SLF1: variants seen among roughly 807,000 people sequenced by gnomAD.
SLF1 encodes SMC5/6 complex localization factor 1, also known as SMC5-SMC6 complex localization factor protein 1.
In SLF1, 105 loss-of-function variants were observed where a neutral mutation model predicts 123.0. That is an observed-to-expected ratio of 0.85 (90% CI 0.73 to 1.00). The LOEUF (loss-of-function observed/expected upper bound fraction) is 1.00, where lower values mean the gene tolerates loss of function less well. Ranked by LOEUF, SLF1 falls within the 50% of genes least tolerant of loss-of-function variation. The pLI is 0.00. For synonymous variants in SLF1, 434 were observed against 406.6 expected (o/e 1.07, Z -0.81); for missense variants, 1,239 against 1,223.0 (o/e 1.01, Z -0.20).
chr5:94,653,217 T>C, intron 7 of SLF1, 55 bp from the exon 8 acceptor site: 2 of 1,417,060 alleles, frequency 1.4e-6, no homozygotes. Flanking sequence ...TTTATTTGGA[T>C]TTTGTAACAT....
chr5:94,670,221 A>G lies in SLF1; in HGVS notation c.1603A>G (p.Thr535Ala), dbSNP rs927259040. ...ENIGSKVLHL[T>A]LLKFFFNLIE... The stretch of plus-strand genomic sequence containing the variant: ...TATTGGCTCCAAGGTGCTCCACCTG[A>G]CGCTACTCAAATTTTTCTTTAATTT... The change falls in exon 13 of 21, where the codon ACG (threonine) becomes GCG (alanine). Residue 535 changes from threonine to alanine, a missense_variant. Transcript: ENST00000265140. 6.6e-7 allele frequency: 1 copy of G among 1,519,512 alleles called. No homozygotes were observed. Among genetic ancestry groups the G allele is most frequent in the Non-Finnish European group, 8.8e-7 (1 of 1,135,888 alleles). The allele number at this position is 1,519,512 out of a possible 1,614,324, so 94.1% of individuals were successfully genotyped here.
At chr5:94,650,474 T>C (rs922042164) in intron 6 of SLF1, among the ~76,000 whole-genome samples, 1 of 151,842 alleles carries the variant, frequency 6.6e-6, no homozygotes, top group East Asian at 1.9e-4. Context: ...GCCATTCTCC[T>C]GCCTCAGCCT....
At chr5:94,666,872 T>C (rs560727877) in intron 12 of SLF1, among the ~76,000 whole-genome samples, 117 of 151,492 alleles carry the variant, frequency 7.7e-4, no homozygotes, top group African/African-American at 2.5e-3. Flanking sequence ...CTCGAATTGC[T>C]GGCCTCAAGT....
chr5:94,672,391 A>G (rs918297030), intron 14 of SLF1, among the ~76,000 whole-genome samples: 1 of 151,890 alleles, frequency 6.6e-6, no homozygotes, highest in Non-Finnish European at 1.5e-5. Flanking sequence ...AACTTACGTT[A>G]TACCTTTTCT....
rs1037573932 is a variant in SLF1 at position 94,651,752 on chromosome 5, A to G, written c.789A>G (p.Gln263=). The G allele has an allele frequency of 1.8e-5, 28 of 1,532,404 alleles. No individual in the cohort carries two copies. The highest frequency in any genetic ancestry group is 1.0e-4 in the East Asian group (4 of 40,034). The allele number at this position is 1,532,404 out of a possible 1,614,324, so 94.9% of individuals were successfully genotyped here. A position where few individuals can be genotyped will look rare whatever the true frequency, so the allele number is the denominator to read the frequency against. ...EDVNVGSILI[Q]HHKKEKFSGS... ...TTAATGTTGGTTCTATTTTGATTCA[A>G]CATCACAAAAAAGAAAAATTCAGTG... The change falls in exon 7 of 21, where the codon CAA becomes CAG. Residue 263 remains glutamine, a synonymous_variant. Coordinates refer to ENST00000265140, the MANE Select transcript of SLF1 (RefSeq NM_032290.4).
rs372842254 is a variant in SLF1 at position 94,667,805 on chromosome 5, A to G, written c.1532+1781A>G. ...ACTCTGTTGCCCAGACTGGAGTGCA[A>G]TGGCACAATCACGGCTCACTGCAGC... On this transcript the variant is annotated intron_variant, in intron 12 of 20. Coordinates refer to ENST00000265140, the MANE Select transcript of SLF1 (RefSeq NM_032290.4). 4.1e-4 allele frequency among the ~76,000 whole-genome samples: 62 copies of G among 151,932 alleles called. No homozygotes were observed. The East Asian group carries it at 9.2e-3, about 22-fold the overall frequency.
intron 4 of SLF1, among the ~76,000 whole-genome samples, chr5:94,639,945 C>G (rs1453737627): frequency 6.6e-6 from 1 of 151,892 alleles, no homozygotes; most frequent in Non-Finnish European, 1.5e-5. Flanking sequence ...ATTTGTTCTT[C>G]TATCCTTTTT....
At chr5:94,671,493 C>T (rs1750444747) in intron 14 of SLF1, among the ~76,000 whole-genome samples, 1 of 151,532 alleles carries the variant, frequency 6.6e-6, no homozygotes, top group Non-Finnish European at 1.5e-5. Context: ...GTGTATTATC[C>T]ATCTCAAGGA....
chr5:94,674,989 G>A (rs1750879107), intron 14 of SLF1, among the ~76,000 whole-genome samples: 1 of 152,202 alleles, frequency 6.6e-6, no homozygotes, highest in African/African-American at 2.4e-5. Flanking sequence ...GCCTTGACTA[G>A]AGGCCAAGTC....
At chr5:94,653,692 T>C (rs1748025084) in intron 8 of SLF1, among the ~76,000 whole-genome samples, 1 of 152,240 alleles carries the variant, frequency 6.6e-6, no homozygotes, top group Non-Finnish European at 1.5e-5. Context: ...AAAGACTATT[T>C]CTTAAAATGA....
At chr5:94,667,254 A>T (rs1318294768) in intron 12 of SLF1, among the ~76,000 whole-genome samples, 1 of 152,202 alleles carries the variant, frequency 6.6e-6, no homozygotes, top group African/African-American at 2.4e-5. Flanking sequence ...AGTGACTGAG[A>T]TGTAAACAAT....
At chr5:94,658,735 G>A (rs1050720171) in intron 9 of SLF1, among the ~76,000 whole-genome samples, 2 of 152,080 alleles carry the variant, frequency 1.3e-5, no homozygotes, top group Admixed American at 6.5e-5. Flanking sequence ...CTATGCCTTT[G>A]CCCATCACTT....
chr5:94,674,697 T>A (rs1362730768), intron 14 of SLF1, among the ~76,000 whole-genome samples: 3 of 152,174 alleles, frequency 2.0e-5, no homozygotes, highest in Non-Finnish European at 4.4e-5. Context: ...TGTCATAATG[T>A]CAATCAGCAA....
intron 15 of SLF1, among the ~76,000 whole-genome samples, chr5:94,679,456 G>A (rs941858052): frequency 2.0e-5 from 3 of 151,884 alleles, no homozygotes; most frequent in Non-Finnish European, 4.4e-5. Context: ...TTTGCTGGAC[G>A]TGGTCTATGC....
chr5:94,664,325 C>T (rs1749496192), intron 11 of SLF1, among the ~76,000 whole-genome samples: 1 of 152,108 alleles, frequency 6.6e-6, no homozygotes, highest in Non-Finnish European at 1.5e-5. Flanking sequence ...GGCAAGTTCC[C>T]TCTCTGTTGT....
chr5:94,689,654 A>G (rs759741347), intron 18 of SLF1, 48 bp downstream of exon 18: 1 of 1,542,576 alleles, frequency 6.5e-7, no homozygotes, highest in Non-Finnish European at 8.9e-7. Context: ...TTTCATGGTT[A>G]TAGTCAGTAC....
At chr5:94,688,405 C>T in intron 16 of SLF1, 101 bp from the exon 17 acceptor site, 2 of 1,261,564 alleles carry the variant, frequency 1.6e-6, no homozygotes, top group South Asian at 1.5e-5. Flanking sequence ...GTGATGCAAC[C>T]AAGAAAATAT....
chr5:94,662,394 A>T (rs1749224873), intron 10 of SLF1, 43 bp downstream of exon 10: 2 of 1,466,450 alleles, frequency 1.4e-6, no homozygotes, highest in South Asian at 2.7e-5. Flanking sequence ...GCAAAGAAGA[A>T]GTTTTGTGTT....
intron 5 of SLF1, 127 bp from the exon 6 acceptor site, chr5:94,649,327 A>T (rs1009161614): frequency 3.3e-5 from 23 of 689,568 alleles, no homozygotes; most frequent in South Asian, 2.2e-4. Context: ...CCTTTGATTT[A>T]AGAGGGTGCA....
Sources: gnomAD v4.1 joint callset for allele counts (sites outside exome capture counted in the v4.1 genomes callset) on GRCh38, gnomAD v4.1.1 for gene constraint, MANE v1.5 for transcripts, NCBI Gene and HGNC (gene_info 2026-07-23, HGNC 2026-07-21) for gene names.